The following AHDC1 variants were observed in gnomAD, a reference collection of about 807,000 sequenced individuals.
AHDC1 encodes the protein transcription factor Gibbin.
A neutral mutation model predicts 87.9 loss-of-function variants in AHDC1; 7 were observed. The observed-to-expected ratio is 0.08, with a 90% CI of 0.05 to 0.15. AHDC1 has a LOEUF of 0.15. Among genes scored for constraint, AHDC1 ranks in the 10% least tolerant of loss-of-function variants. The pLI, the probability that AHDC1 is intolerant of heterozygous loss-of-function variation, is 1.00. For missense variants in AHDC1, 1,841 were observed against 2,253.2 expected, an observed-to-expected ratio of 0.82 and a Z score of 3.70; for synonymous variants, 1,051 against 1,006.8, an observed-to-expected ratio of 1.04 and a Z score of -0.83.
At chr1:27,539,563 A>G (rs2018812030) in intron 8 of AHDC1, among the ~76,000 whole-genome samples, 1 of 152,034 alleles carries the variant, frequency 6.6e-6, no homozygotes. Flanking sequence ...TTCCTGCCTC[A>G]GCCTCCCGAG....
Position 27,548,924 on chromosome 1 carries a change from C to T in AHDC1, c.3192G>A (p.Ser1064=), listed in dbSNP as rs756680952. The change falls in exon 8 of 9, where the codon TCG becomes TCA. Residue 1064 remains serine, a synonymous_variant. Coordinates refer to ENST00000673934, the MANE Select transcript of AHDC1 (RefSeq NM_001371928.1). ...LRCDSRASTV[S]PGGYMVPKGT... ...CCTTGGGTACCATGTAGCCACCGGG[C>T]GAGACTGTGCTGGCCCGGCTGTCAC... 1.9e-5 allele frequency: 31 copies of T among 1,597,276 alleles called. No individual in the cohort carries two copies. Among genetic ancestry groups the T allele is most frequent in the East Asian group, 4.5e-5 (2 of 44,166 alleles).
At chr1:27,594,573 A>G (rs1356860993) in intron 3 of AHDC1, among the ~76,000 whole-genome samples, 1 of 152,194 alleles carries the variant, frequency 6.6e-6, no homozygotes, top group African/African-American at 2.4e-5. Context: ...GGCAGCTTTG[A>G]ACCAGATGTC....
chr1:27,555,747 C>T (rs1403306084), intron 5 of AHDC1, among the ~76,000 whole-genome samples: 4 of 152,154 alleles, frequency 2.6e-5, no homozygotes, highest in Non-Finnish European at 4.4e-5. Context: ...TCAGGCTAGC[C>T]GAGCCTTCCC....
In AHDC1 at chr1:27,549,994, C is replaced by G. The variant is rs1224806311; in HGVS notation, c.2122G>C (p.Ala708Pro). ...IGKKKKVVAVAAAGVGGPGLT... is the reference protein window; with the variant it reads ...IGKKKKVVAVPAAGVGGPGLT... ...CCCGGGCCCCCGACCCCAGCGGCTG[C>G]CACGGCCACCACCTTCTTTTTCTTG... The change falls in exon 8 of 9, where the codon GCA becomes CCA. Residue 708 changes from alanine to proline, a missense_variant. Transcript: ENST00000673934. The G allele has an allele frequency of 6.3e-7, 1 of 1,599,976 alleles. No homozygotes were observed.
At position 27,550,406 on chromosome 1, in the gene AHDC1, C is replaced by A. The variant is rs1375006758; in HGVS notation, c.1710G>T (p.Glu570Asp). 1 of 1,611,592 alleles carries A rather than the reference C, an allele frequency of 6.2e-7. No homozygotes were observed. The highest frequency in any genetic ancestry group is 8.5e-7 in the Non-Finnish European group (1 of 1,178,504). The change falls in exon 8 of 9, where the codon GAG (glutamate) becomes GAT (aspartate). Residue 570 changes from glutamate to aspartate, a missense_variant. By Grantham distance (45) the Glu-to-Asp change is conservative. This residue lies in a region of AHDC1 where 84 missense variants were observed against 111.7 expected (regional missense o/e 0.75). Transcript: ENST00000673934. ...KPKEPAVVAA[E>D]AATVAAATMA... Reference sequence around the variant, plus strand: ...TGGTGGCCGCTGCCACAGTGGCTGCCTCGGCCGCCACCACAGCTGGCTCCT... The same window carrying A: ...TGGTGGCCGCTGCCACAGTGGCTGCATCGGCCGCCACCACAGCTGGCTCCT...
chr1:27,550,670 G>A lies in AHDC1; in HGVS notation c.1446C>T (p.Pro482=), dbSNP rs138527675. The part of the protein sequence containing the change: ...RRMVVKMAKI[P]VSLGRRNKTT... ...TCTTGTTCCGCCGCCCCAGCGATAC[G>A]GGGATCTTGGCCATCTTCACCACCA... The change falls in exon 8 of 9, where the codon CCC becomes CCT. Residue 482 remains proline (P), a synonymous_variant. Coordinates refer to ENST00000673934, the MANE Select transcript of AHDC1 (RefSeq NM_001371928.1). The A allele has an allele frequency of 1.8e-4, 288 of 1,613,114 alleles. No individual in the cohort carries two copies. The highest frequency in any genetic ancestry group is 4.2e-4 in the Admixed American group (25 of 59,978).
At chr1:27,568,843 G>A (rs909186994) in intron 3 of AHDC1, among the ~76,000 whole-genome samples, 3 of 151,890 alleles carry the variant, frequency 2.0e-5, no homozygotes, top group Non-Finnish European at 1.5e-5. Flanking sequence ...AGAGCGCCCA[G>A]CCCAGCCTGG....
rs559615950 is a variant in AHDC1 at position 27,537,017 on chromosome 1, G to A, written c.*44-2101C>T. The stretch of plus-strand genomic sequence containing the variant: ...CTCACCCTCTGCTAAGCCGCCCATC[G>A]CGTCTCACCTTCCTCCTCCCACTAC... On this transcript the variant is annotated intron_variant, in intron 8 of 8. Transcript: ENST00000673934. Among the ~76,000 whole-genome samples the A allele has an allele frequency of 4.6e-5, 7 of 152,260 alleles. No homozygotes were observed. The South Asian group carries it at 1.4e-3, about 32-fold the overall frequency.
At chr1:27,537,297 C>G (rs987851071) in intron 8 of AHDC1, among the ~76,000 whole-genome samples, 1 of 152,156 alleles carries the variant, frequency 6.6e-6, no homozygotes, top group African/African-American at 2.4e-5. Flanking sequence ...CGATCTGGTT[C>G]CTGTCTTTGA....
rs774078375 is a variant in AHDC1 at position 27,548,566 on chromosome 1, G to A, written c.3550C>T (p.Arg1184Cys). The A allele has an allele frequency of 1.9e-6, 3 of 1,613,476 alleles. No homozygotes were observed. The Admixed American group carries it at 5.0e-5, about 27-fold the overall frequency. ...NQPVGGGGFR[R>C]ANSEASSSEG... ...CTACTTGAGGCCTCGCTGTTGGCAC[G>A]CCGAAACCCCCCGCCACCAACCGGC... Residue 1184 changes from arginine (R) to cysteine (C), a missense_variant, in exon 8 of 9, where the codon CGT (arginine) becomes TGT (cysteine). By Grantham distance (180) the Arg-to-Cys change is radical (BLOSUM62 -3). Transcript: ENST00000673934.
At chr1:27,597,549 C>A (rs1003178477) in intron 3 of AHDC1, among the ~76,000 whole-genome samples, 1 of 152,130 alleles carries the variant, frequency 6.6e-6, no homozygotes, top group East Asian at 1.9e-4. Flanking sequence ...CAGCAACCCC[C>A]TCCCCCTATG....
At chr1:27,601,189 T>TATA (rs2089520358) in intron 3 of AHDC1, among the ~76,000 whole-genome samples, 1 of 152,256 alleles carries the variant, frequency 6.6e-6, no homozygotes, top group Admixed American at 6.5e-5. Flanking sequence ...CTCTCTATAT[T>TATA]ATTTCAAAAG....
rs1018119533 is a variant in AHDC1 at position 27,562,317 on chromosome 1, T to C, written c.-628-3434A>G. On this transcript the variant is annotated intron_variant, in intron 3 of 8. Coordinates refer to ENST00000673934, the MANE Select transcript of AHDC1 (RefSeq NM_001371928.1). This position sits in a 1 kb window ranked among gnomAD's most constrained non-coding sequence, Gnocchi z 4.4. Reference sequence around the variant, plus strand: ...TGACTTGCGGTTCAGAAATCCAATATCCTCCCCGGTGCACTGATCGACTGA... The same window carrying C: ...TGACTTGCGGTTCAGAAATCCAATACCCTCCCCGGTGCACTGATCGACTGA... 2.6e-5 allele frequency among the ~76,000 whole-genome samples: 4 copies of C among 151,712 alleles called. No individual in the cohort carries two copies. The highest frequency in any genetic ancestry group is 4.4e-5 in the Non-Finnish European group (3 of 67,940).
Position 27,546,292 on chromosome 1 carries a change from C to T in AHDC1, c.*43+969G>A, listed in dbSNP as rs143145687. On this transcript the variant is annotated intron_variant, in intron 8 of 8. Transcript: ENST00000673934. The stretch of plus-strand genomic sequence containing the variant: ...TCTTCAAGAAGATGGCTCCTTCAAC[C>T]TTGTTCCCTTTGATCATTTTGGGGG... Among the ~76,000 whole-genome samples the T allele has an allele frequency of 2.6e-5, 4 of 152,332 alleles. No individual in the cohort carries two copies. The East Asian group carries it at 7.7e-4, about 29-fold the overall frequency.
At chr1:27,545,061 C>T (rs2019103086) in intron 8 of AHDC1, among the ~76,000 whole-genome samples, 1 of 151,972 alleles carries the variant, frequency 6.6e-6, no homozygotes, top group Admixed American at 6.6e-5. Flanking sequence ...AATGTTCTTC[C>T]CCCTCCCCGC....
intron 5 of AHDC1, among the ~76,000 whole-genome samples, chr1:27,554,435 CTTGT>C (rs1223527604): frequency 6.6e-6 from 1 of 152,180 alleles, no homozygotes; most frequent in South Asian, 2.1e-4. Flanking sequence ...TCACATCTGT[CTTGT>C]TTATCGCTGT....
In AHDC1 at chr1:27,559,806, G is replaced by A. The variant is rs552737105; in HGVS notation, c.-628-923C>T. 1.9e-3 allele frequency among the ~76,000 whole-genome samples: 286 copies of A among 152,272 alleles called. 2 individuals are homozygous for A. The highest frequency in any genetic ancestry group is 6.5e-3 in the African/African-American group (268 of 41,528). ...TTCCTGCCCATTTGTCTGCCTCCTC[G>A]AGGTCTGTACTGGAGCCCAGAGGGG... On this transcript the variant is annotated intron_variant, in intron 3 of 8. Transcript: ENST00000673934.
intron 5 of AHDC1, among the ~76,000 whole-genome samples, chr1:27,554,469 T>C (rs2019734143): frequency 6.6e-6 from 1 of 152,186 alleles, no homozygotes; most frequent in Non-Finnish European, 1.5e-5. Context: ...CCCTGGGGCC[T>C]GGGCTATGAA....
chr1:27,547,032 C>A lies in AHDC1; in HGVS notation c.*43+229G>T, dbSNP rs556318354. ...TGGCCATTTCAATTCACAAGACCCCCCCGAACGTTCAAGCCCCCTGCTGAG... is the reference window on the plus strand; with the variant it reads ...TGGCCATTTCAATTCACAAGACCCCACCGAACGTTCAAGCCCCCTGCTGAG... On this transcript the variant is annotated intron_variant, in intron 8 of 8. Transcript: ENST00000673934. The surrounding 1 kb of genome is among the most constrained non-coding windows in gnomAD (Gnocchi z 4.9). Among the ~76,000 whole-genome samples, 2 of 151,862 alleles carry A rather than the reference C, an allele frequency of 1.3e-5. No individual in the cohort carries two copies. Among genetic ancestry groups the A allele is most frequent in the African/African-American group, 4.8e-5 (2 of 41,294 alleles).
Sources: gnomAD v4.1 joint callset for allele counts (sites outside exome capture counted in the v4.1 genomes callset) on GRCh38, gnomAD v4.1.1 for gene constraint, gnomAD v4.1.1 regional missense constraint, Gnocchi (gnomAD v3.1) non-coding constraint, MANE v1.5 for transcripts, NCBI Gene and HGNC (gene_info 2026-07-23, HGNC 2026-07-21) for gene names.